Variants in IGSF1 observed in about 807,000 individuals in gnomAD.
IGSF1 encodes immunoglobulin-like domain-containing protein 1.
IGSF1 carries 40 observed loss-of-function variants against 95.3 expected under a neutral mutation model. The ratio of observed to expected loss-of-function variants is 0.42; its 90% confidence interval spans 0.33 to 0.55. IGSF1 has a LOEUF of 0.55. Among genes scored for constraint, IGSF1 ranks in the 20% least tolerant of loss-of-function variants. IGSF1 has a pLI of 0.10. For synonymous variants in IGSF1, 372 were observed against 382.9 expected (o/e 0.97, Z 0.33); for missense variants, 906 against 1,025.4 (o/e 0.88, Z 1.59).
intron 14 of IGSF1, 30 bp downstream of exon 14, chrX:131,276,909 C>A (rs950977158): frequency 8.4e-7 from 1 of 1,188,513 alleles, no homozygotes; most frequent in South Asian, 1.8e-5. Context: ...AGGGTTGGCA[C>A]CACCTCTACC....
chrX:131,285,313 G>A lies in IGSF1; in HGVS notation c.533C>T (p.Thr178Ile). 1 of 1,210,617 alleles carries A rather than the reference G, an allele frequency of 8.3e-7. No homozygotes were observed. Among genetic ancestry groups the A allele is most frequent in the Non-Finnish European group, 1.1e-6 (1 of 894,315 alleles). Residue 178 changes from threonine (T) to isoleucine (I), a missense_variant, in exon 5 of 20, where the codon ACT (threonine) becomes ATT (isoleucine). Thr to Ile is a moderately conservative substitution (Grantham distance 89). This residue lies in a region of IGSF1 where 442 missense variants were observed against 448.1 expected (regional missense o/e 0.99). Transcript: ENST00000361420. Reference protein sequence around the residue: ...YAEPVDYQVPTGTMAIFSIDN... With the variant: ...YAEPVDYQVPIGTMAIFSIDN... The stretch of plus-strand genomic sequence containing the variant: ...AATGGAGAATATGGCCATTGTCCCA[G>A]TTGGGACTTGGTAATCCACAGGCTC...
chrX:131,282,197 T>C (rs1293578503), intron 7 of IGSF1, among the ~76,000 whole-genome samples: 2 of 111,069 alleles, frequency 1.8e-5, no homozygotes, highest in Non-Finnish European at 3.8e-5. Context: ...AAAATAATTT[T>C]CCCAGGGGTT....
chrX:131,284,761 GT>G (rs1422176782), intron 5 of IGSF1: 1 of 796,433 alleles, frequency 1.3e-6, no homozygotes, highest in African/African-American at 2.2e-5. Flanking sequence ...AATCCATTCT[GT>G]TTTCCACACA....
Position 131,275,574 on chromosome X carries a change from C to T in IGSF1, c.3088G>A (p.Gly1030Ser), listed in dbSNP as rs1289682949. The change falls in exon 16 of 20, where the codon GGT (glycine) becomes AGT (serine). Residue 1030 changes from glycine to serine, a missense_variant. Transcript: ENST00000361420. ...DGAFPITNIS[G>S]TSMGRYSCCY... is the part of the protein sequence containing the mutation. ...CAGCTGTAACGCCCCATGCTAGTAC[C>T]AGATATATTGGTGATGGGGAATGCC... is the stretch of plus-strand genomic sequence containing the variant. 2 of 1,210,448 alleles carry T rather than the reference C, an allele frequency of 1.7e-6. No individual in the cohort carries two copies. Among genetic ancestry groups the T allele is most frequent in the Admixed American group, 2.2e-5 (1 of 46,029 alleles).
rs1268021873 is a variant in IGSF1, at chrX:131,282,463, A to G, written c.1227T>C (p.Thr409=). ...ACTTGCCTACAACCATAAGCTCCAC[A>G]GTGTTGTGTGATGGCATCCTAATGG... ...KTSIRMPSHN[T]VELMVVDKPP... is the part of the protein sequence containing the mutation. The change falls in exon 7 of 20, where the codon ACT becomes ACC. Residue 409 remains threonine (T), a synonymous_variant. Coordinates refer to ENST00000361420, the MANE Select transcript of IGSF1 (RefSeq NM_001555.5). 54 of 1,206,451 alleles carry G rather than the reference A, an allele frequency of 4.5e-5. No homozygotes were observed. The highest frequency in any genetic ancestry group is 5.9e-5 in the Non-Finnish European group (53 of 892,103).
At chrX:131,281,627 G>A (rs368535318) in intron 8 of IGSF1, 39 bp downstream of exon 8, 1 of 1,175,207 alleles carries the variant, frequency 8.5e-7, no homozygotes, top group African/African-American at 1.8e-5. Context: ...GGATCCCTGG[G>A]GTATGGAGGG....
chrX:131,277,963 T>A lies in IGSF1; in HGVS notation c.2213A>T (p.Gln738Leu), dbSNP rs750305360. Residue 738 changes from glutamine to leucine, a missense_variant, in exon 13 of 20, where the codon CAG becomes CTG. By Grantham distance (113) the Gln-to-Leu change is moderately radical. Coordinates refer to ENST00000361420, the MANE Select transcript of IGSF1 (RefSeq NM_001555.5). ...GCCTTCGTCTTTATCCTCCATTCTC[T>A]GGATTGTAAAGAAGGCTTCTCTTCC... Reference protein sequence around the residue: ...AVGREAFFTIQRMEDKDEGNY... With the variant: ...AVGREAFFTILRMEDKDEGNY... 5 of 1,209,498 alleles carry A rather than the reference T, an allele frequency of 4.1e-6. No individual in the cohort carries two copies. Among genetic ancestry groups the A allele is most frequent in the Admixed American group, 4.4e-5 (2 of 45,852 alleles).
chrX:131,286,544 C>T, intron 2 of IGSF1, 61 bp downstream of exon 2: 1 of 1,174,326 alleles, frequency 8.5e-7, no homozygotes. Flanking sequence ...TCCTCTCCCA[C>T]CCCTAATGAG....
At position 131,273,763 on chromosome X, in the gene IGSF1, A is replaced by G. The variant is rs1255046872; in HGVS notation, c.*33T>C. 3 of 1,180,689 alleles carry G rather than the reference A, an allele frequency of 2.5e-6. No homozygotes were observed. Among genetic ancestry groups the G allele is most frequent in the Non-Finnish European group, 3.4e-6 (3 of 875,664 alleles). On this transcript the variant is annotated 3_prime_UTR_variant, in exon 20 of 20. Transcript: ENST00000361420. The stretch of plus-strand genomic sequence containing the variant: ...TTATAGGTCTCTGAGAGCAAGAGAG[A>G]GGAGAGGAAAGCTCTTGTAAAGGAG...
chrX:131,280,913 C>A, intron 9 of IGSF1: 1 of 211,317 alleles, frequency 4.7e-6, no homozygotes, highest in South Asian at 1.2e-4. Context: ...AGGGAGACAT[C>A]AATCATCTCT....
intron 11 of IGSF1, 73 bp downstream of exon 11, chrX:131,279,070 A>G: frequency 2.8e-6 from 3 of 1,053,953 alleles, no homozygotes; most frequent in Non-Finnish European, 4.0e-6. Flanking sequence ...TCCCTGGCCA[A>G]TGACACTGAC....
chrX:131,273,723 G>T lies in IGSF1; in HGVS notation c.*73C>A, dbSNP rs1398327744. On this transcript the variant is annotated 3_prime_UTR_variant, in exon 20 of 20. Coordinates refer to ENST00000361420, the MANE Select transcript of IGSF1 (RefSeq NM_001555.5). Reference sequence around the variant, plus strand: ...AACAGCAGATGGGGCTGACTTGCAGGGTAACTGGTTGGATTTATAGGTCTC... The same window carrying T: ...AACAGCAGATGGGGCTGACTTGCAGTGTAACTGGTTGGATTTATAGGTCTC... The T allele has an allele frequency of 9.6e-7, 1 of 1,037,549 alleles. No homozygotes were observed. The highest frequency in any genetic ancestry group is 2.5e-5 in the Admixed American group (1 of 39,990). The allele number at this position is 1,037,549 out of a possible 1,213,427, so 85.5% of individuals were successfully genotyped here.
chrX:131,279,084 C>A, intron 11 of IGSF1, 59 bp downstream of exon 11: 1 of 1,091,163 alleles, frequency 9.2e-7, no homozygotes, highest in Admixed American at 2.2e-5. Context: ...CACTGACGCT[C>A]TGTAGTTATT....
chrX:131,281,486 G>A, intron 8 of IGSF1, 148 bp from the exon 9 acceptor site: 2 of 881,577 alleles, frequency 2.3e-6, no homozygotes, highest in Admixed American at 2.8e-5. Context: ...GAGAATGGGA[G>A]CCTTGAAATT....
intron 1 of IGSF1, among the ~76,000 whole-genome samples, chrX:131,287,665 C>T (rs749757460): frequency 5.0e-4 from 56 of 111,444 alleles, no homozygotes; most frequent in African/African-American, 1.7e-3. Context: ...TCAGGAAATA[C>T]GGCAAAGATA....
rs1256845329 is a variant in IGSF1, at chrX:131,278,222, A to G, written c.2042-88T>C. The stretch of plus-strand genomic sequence containing the variant: ...AGGGTCACTTTGTCAGCAAATAAAG[A>G]CATTCATTCTGGGCTGGCCCTAGGC... On this transcript the variant is annotated intron_variant, in intron 12 of 19. Transcript: ENST00000361420. 1.3e-5 allele frequency: 12 copies of G among 955,256 alleles called. No homozygotes were observed. In the Admixed American group the frequency reaches 3.0e-4, roughly 24 times the overall value. 78.7% of individuals were successfully genotyped at this position (955,256 alleles called of 1,213,427 possible). A position where few individuals can be genotyped will look rare whatever the true frequency, so the allele number is the denominator to read the frequency against.
At chrX:131,286,360 T>C (rs201254626) in intron 3 of IGSF1, 77 bp downstream of exon 3, 6 of 879,082 alleles carry the variant, frequency 6.8e-6, no homozygotes, top group Admixed American at 2.3e-5. Context: ...CAAGGCATTA[T>C]GTCCAAGGTC....
Position 131,277,893 on chromosome X carries a change from C to T in IGSF1, c.2283G>A (p.Trp761Ter). Residue 761 changes from tryptophan (W) to a stop codon, truncating the protein, a stop_gained, in exon 13 of 20, where the codon TGG becomes TGA. Coordinates refer to ENST00000361420, the MANE Select transcript of IGSF1 (RefSeq NM_001555.5). LOFTEE classifies it high-confidence loss of function. The stretch of plus-strand genomic sequence containing the variant: ...GCTCCAGCGGCTCACTGGGCTCAGA[C>T]CACTTGAAGGGGCGTTTTTCAGTGT... The part of the protein sequence containing the change: ...RTHTEKRPFK[W>*]SEPSEPLELV... The T allele has an allele frequency of 8.3e-7, 1 of 1,210,388 alleles. No homozygotes were observed. The highest frequency in any genetic ancestry group is 1.1e-6 in the Non-Finnish European group (1 of 895,240).
Position 131,283,012 on chromosome X carries a change from A to C in IGSF1, c.920T>G (p.Leu307Arg). The C allele has an allele frequency of 3.3e-6, 4 of 1,206,251 alleles. No homozygotes were observed. The highest frequency in any genetic ancestry group is 4.5e-6 in the Non-Finnish European group (4 of 890,168). Residue 307 changes from leucine to arginine, a missense_variant, in exon 6 of 20, where the codon CTC (leucine) becomes CGC (arginine). Physicochemically the swap from Leu to Arg is moderately radical, Grantham distance 102. This residue lies in a region of IGSF1 where 442 missense variants were observed against 448.1 expected (regional missense o/e 0.99). Transcript: ENST00000361420. The part of the protein sequence containing the change: ...FYYDASYRGS[L>R]LSDVLKIWVT... The stretch of plus-strand genomic sequence containing the variant: ...CCAGATTTTCAGGACATCACTAAGG[A>C]GTGAACCTCTATATGATGCGTCATA...
Sources: allele counts gnomAD v4.1 joint callset (sites outside exome capture counted in the v4.1 genomes callset), GRCh38; gene constraint gnomAD v4.1.1; regional missense constraint gnomAD v4.1.1; transcripts MANE v1.5; gene names NCBI Gene and HGNC (gene_info 2026-07-23, HGNC 2026-07-21).